The following CCDC42 variants were observed in gnomAD, a reference collection of about 807,000 sequenced individuals.
CCDC42 encodes coiled-coil domain-containing protein 42.
CCDC42 carries 38 observed loss-of-function variants against 40.8 expected under a neutral mutation model. The ratio of observed to expected loss-of-function variants is 0.93; its 90% CI spans 0.72 to 1.22. The LOEUF is 1.22. CCDC42 is among the 50% of genes most tolerant of loss of function. The probability of loss-of-function intolerance (pLI) is 0.00; values close to 1 mark genes in which losing one functional copy is unlikely to be tolerated. For missense variants in CCDC42, 379 were observed against 416.5 expected (o/e 0.91, Z 0.78); for synonymous variants, 135 against 157.5 (o/e 0.86, Z 1.07).
At chr17:8,734,675 G>A (rs551816729) in intron 6 of CCDC42, among the ~76,000 whole-genome samples, 3 of 152,086 alleles carry the variant, frequency 2.0e-5, no homozygotes, top group South Asian at 4.2e-4. Flanking sequence ...TCTTTTTAAC[G>A]AAGTGTGGGC....
rs1205961919 is a variant in CCDC42 at position 8,741,607 on chromosome 17, T to C, written c.359A>G (p.Gln120Arg). 1 of 1,614,072 alleles carries C rather than the reference T, an allele frequency of 6.2e-7. No individual in the cohort carries two copies. The highest frequency in any genetic ancestry group is 2.2e-5 in the East Asian group (1 of 44,890). The part of the protein sequence containing the change: ...KANKERELKC[Q>R]HMQELTKRKQ... ...GCGCTTGGTCAGCTCCTGCATGTGCTGGCACTTGAGTTCTCGCTCCTTGTT... is the reference window on the plus strand; with the variant it reads ...GCGCTTGGTCAGCTCCTGCATGTGCCGGCACTTGAGTTCTCGCTCCTTGTT... Residue 120 changes from glutamine to arginine, a missense_variant, in exon 4 of 7, where the codon CAG (glutamine) becomes CGG (arginine). Physicochemically the swap from Gln to Arg is conservative, Grantham distance 43 (BLOSUM62 1). Coordinates refer to ENST00000293845, the MANE Select transcript of CCDC42 (RefSeq NM_144681.3).
At chr17:8,743,942 G>A (rs1260760383) in intron 2 of CCDC42, 137 bp downstream of exon 2, 1 of 686,392 alleles carries the variant, frequency 1.5e-6, no homozygotes, top group Non-Finnish European at 2.5e-6. Flanking sequence ...TCTCCCCAAA[G>A]AGACCAGATC....
intron 6 of CCDC42, among the ~76,000 whole-genome samples, chr17:8,730,870 G>C (rs543871248): frequency 1.3e-5 from 2 of 152,200 alleles, no homozygotes; most frequent in African/African-American, 4.8e-5. Flanking sequence ...GCAGGGTTCC[G>C]TCAGCATGGG....
intron 6 of CCDC42, among the ~76,000 whole-genome samples, chr17:8,732,028 C>T (rs796566502): frequency 4.0e-5 from 6 of 151,588 alleles, no homozygotes; most frequent in South Asian, 2.1e-4. Flanking sequence ...AGGCCGGGCG[C>T]GGTGGCTCAA....
At chr17:8,740,224 C>A (rs1453739086) in intron 4 of CCDC42, among the ~76,000 whole-genome samples, 6 of 152,002 alleles carry the variant, frequency 3.9e-5, no homozygotes, top group Admixed American at 1.3e-4. Context: ...TGGAGGATCG[C>A]TCACGCCTGT....
At position 8,744,831 on chromosome 17, in the gene CCDC42, A is replaced by C; in HGVS notation, c.-222T>G. The C allele has an allele frequency of 1.7e-6, 1 of 579,168 alleles. No individual in the cohort carries two copies. Among genetic ancestry groups the C allele is most frequent in the South Asian group, 2.0e-5 (1 of 50,446 alleles). 35.9% of individuals were successfully genotyped at this position (579,168 alleles called of 1,614,324 possible). On this transcript the variant is annotated 5_prime_UTR_variant, in exon 1 of 7. Transcript: ENST00000293845. ...GCAGTTATGGGAGATGTGGTTACCTAGCAACAGGCTGCCTGGTTCTGTGGC... is the reference window on the plus strand; with the variant it reads ...GCAGTTATGGGAGATGTGGTTACCTCGCAACAGGCTGCCTGGTTCTGTGGC...
chr17:8,741,358 G>T, intron 4 of CCDC42, 116 bp downstream of exon 4: 1 of 1,028,866 alleles, frequency 9.7e-7, no homozygotes, highest in Non-Finnish European at 1.5e-6. Flanking sequence ...GGGCCCAGAG[G>T]GTCCACAGTC....
At chr17:8,742,423 C>T (rs932088159) in intron 3 of CCDC42, among the ~76,000 whole-genome samples, 2 of 152,168 alleles carry the variant, frequency 1.3e-5, no homozygotes. Context: ...GGAGATGGAA[C>T]AGGCAGTTCA....
chr17:8,741,710 C>G (rs2086647178), intron 3 of CCDC42, 39 bp from the exon 4 acceptor site: 1 of 1,589,528 alleles, frequency 6.3e-7, no homozygotes, highest in East Asian at 2.3e-5. Flanking sequence ...GGAAGCCTCG[C>G]CCAGCCCTCC....
In CCDC42 at chr17:8,743,745, T is replaced by A; in HGVS notation, c.190-15A>T. The A allele has an allele frequency of 1.4e-6, 2 of 1,402,800 alleles. No individual in the cohort carries two copies. The highest frequency in any genetic ancestry group is 1.0e-6 in the Non-Finnish European group (1 of 992,958). 86.9% of individuals were successfully genotyped at this position (1,402,800 alleles called of 1,614,324 possible). A position where few individuals can be genotyped will look rare whatever the true frequency, so the allele number is the denominator to read the frequency against. ...CGCTGAAACATCTTTGGGGTGGGGG[T>A]GGGAGAGCAGAGAGGTCAGGAGGGC... On this transcript the variant is annotated splice_polypyrimidine_tract_variant and intron_variant, in intron 2 of 6. Coordinates refer to ENST00000293845, the MANE Select transcript of CCDC42 (RefSeq NM_144681.3).
intron 6 of CCDC42, 132 bp downstream of exon 6, chr17:8,734,964 T>C: frequency 1.1e-6 from 1 of 908,072 alleles, no homozygotes; most frequent in Non-Finnish European, 1.7e-6. Flanking sequence ...CCCTCCCAGG[T>C]GATCCTGATG....
At chr17:8,740,185 G>A (rs2086633375) in intron 4 of CCDC42, among the ~76,000 whole-genome samples, 1 of 152,072 alleles carries the variant, frequency 6.6e-6, no homozygotes, top group African/African-American at 2.4e-5. Flanking sequence ...GCATCCATGG[G>A]AGGCCCTGGA....
chr17:8,734,515 A>C (rs2086598373), intron 6 of CCDC42, among the ~76,000 whole-genome samples: 1 of 151,694 alleles, frequency 6.6e-6, no homozygotes, highest in African/African-American at 2.4e-5. Flanking sequence ...AAAGTAGGGA[A>C]AGTGCCTCTA....
At chr17:8,736,778 G>A (rs938425567) in intron 4 of CCDC42, among the ~76,000 whole-genome samples, 2 of 152,160 alleles carry the variant, frequency 1.3e-5, no homozygotes, top group Non-Finnish European at 2.9e-5. Flanking sequence ...AGCAAAAGCA[G>A]GTGTAGGGAG....
At position 8,744,172 on chromosome 17, in the gene CCDC42, A is replaced by G. The variant is rs2086663442; in HGVS notation, c.96T>C (p.Asn32=). 1 of 1,612,626 alleles carries G rather than the reference A, an allele frequency of 6.2e-7. No individual in the cohort carries two copies. Among genetic ancestry groups the G allele is most frequent in the Non-Finnish European group, 8.5e-7 (1 of 1,179,286 alleles). The stretch of plus-strand genomic sequence containing the variant: ...ATGGGGACTCCGACGCCCCCTCAAC[A>G]TTGGGGAGTTTCCTGTCCAAGATGT... The part of the protein sequence containing the change: ...RLLQMLQKLP[N]VEGASESPSI... Residue 32 remains asparagine (N), a synonymous_variant, in exon 2 of 7, where the codon AAT becomes AAC. Coordinates refer to ENST00000293845, the MANE Select transcript of CCDC42 (RefSeq NM_144681.3).
chr17:8,737,744 A>G (rs2086620416), intron 4 of CCDC42, among the ~76,000 whole-genome samples: 1 of 152,240 alleles, frequency 6.6e-6, no homozygotes, highest in Non-Finnish European at 1.5e-5. Context: ...TAAGAAGCAT[A>G]CCAACTAAGG....
At chr17:8,733,865 G>A (rs776925207) in intron 6 of CCDC42, among the ~76,000 whole-genome samples, 12 of 152,166 alleles carry the variant, frequency 7.9e-5, no homozygotes, top group African/African-American at 1.2e-4. Context: ...GAGGGGGCCC[G>A]AGGATTTCTG....
intron 3 of CCDC42, among the ~76,000 whole-genome samples, chr17:8,742,697 T>G (rs1490180901): frequency 6.6e-6 from 1 of 152,168 alleles, no homozygotes; most frequent in Non-Finnish European, 1.5e-5. Flanking sequence ...CCAGTGACTT[T>G]CAAATCCACC....
At chr17:8,740,480 A>C (rs1370931862) in intron 4 of CCDC42, among the ~76,000 whole-genome samples, 4 of 140,286 alleles carry the variant, frequency 2.9e-5, no homozygotes, top group Admixed American at 7.3e-5. Flanking sequence ...CAAAAGTGAA[A>C]CTCCGTCTCA....
Sources: allele counts gnomAD v4.1 joint callset (sites outside exome capture counted in the v4.1 genomes callset), GRCh38; gene constraint gnomAD v4.1.1; transcripts MANE v1.5; gene names NCBI Gene and HGNC (gene_info 2026-07-23, HGNC 2026-07-21).